Variants in COL4A3 observed in about 807,000 individuals in gnomAD.
The protein encoded by COL4A3 is collagen type IV alpha 3 chain, also known as collagen alpha-3(IV) chain.
A neutral mutation model predicts 217.4 loss-of-function variants in COL4A3; 135 were observed. That is an observed-to-expected ratio of 0.62 (90% CI 0.54 to 0.72). The LOEUF (loss-of-function observed/expected upper bound fraction) is 0.72, where lower values mean the gene tolerates loss of function less well. COL4A3 is among the 30% of genes least tolerant of loss of function. The pLI is 0.00. For synonymous variants in COL4A3, 690 were observed against 736.3 expected, an observed-to-expected ratio of 0.94 and a Z score of 1.02; for missense variants, 1,868 against 2,119.9, an observed-to-expected ratio of 0.88 and a Z score of 2.33.
chr2:227,225,396 A>C (rs954455022), intron 1 of COL4A3, among the ~76,000 whole-genome samples: 1 of 152,126 alleles, frequency 6.6e-6, no homozygotes, highest in African/African-American at 2.4e-5. Context: ...TTTAAGAGGT[A>C]ATGTTTTCTG....
intron 1 of COL4A3, among the ~76,000 whole-genome samples, chr2:227,194,813 G>A (rs1324725968): frequency 6.6e-6 from 1 of 152,026 alleles, no homozygotes; most frequent in African/African-American, 2.4e-5. Flanking sequence ...AAAAATACTA[G>A]CTCTTCTAAT....
chr2:227,249,212 G>GTGTGTATATATATATA (rs1199261361), intron 9 of COL4A3, among the ~76,000 whole-genome samples: 2 of 33,218 alleles, frequency 6.0e-5, no homozygotes, highest in African/African-American at 2.1e-4. Context: ...AAATTAGCTA[G>GTGTGTATATATATATA]TATATATATA....
At chr2:227,294,044 C>T (rs77012767) in intron 38 of COL4A3, 1 of 291,686 alleles carries the variant, frequency 3.4e-6, no homozygotes, top group Non-Finnish European at 6.6e-6. Context: ...TGTGCTGTGA[C>T]TCTTTTTCGA....
At chr2:227,251,996 G>C (rs558417665) in intron 11 of COL4A3, among the ~76,000 whole-genome samples, 9 of 145,776 alleles carry the variant, frequency 6.2e-5, no homozygotes, top group African/African-American at 2.3e-4. Flanking sequence ...TTGAACCTGG[G>C]AGTTGGAGTT....
At chr2:227,202,132 C>T (rs770939459) in intron 1 of COL4A3, among the ~76,000 whole-genome samples, 14 of 152,084 alleles carry the variant, frequency 9.2e-5, no homozygotes, top group Non-Finnish European at 1.6e-4. Flanking sequence ...CTATTAAGTA[C>T]GGGTTCATTA....
At chr2:227,239,015 C>T (rs2125887709) in intron 2 of COL4A3, among the ~76,000 whole-genome samples, 1 of 152,286 alleles carries the variant, frequency 6.6e-6, no homozygotes. Flanking sequence ...TGTGTGCACA[C>T]ACACAATGTA....
intron 37 of COL4A3, among the ~76,000 whole-genome samples, chr2:227,292,980 A>G (rs948133570): frequency 2.0e-5 from 3 of 152,218 alleles, no homozygotes; most frequent in Admixed American, 2.0e-4. Context: ...CACTTTAAAA[A>G]GTTTTAAGGG....
intron 1 of COL4A3, among the ~76,000 whole-genome samples, chr2:227,196,305 G>A (rs2066473709): frequency 6.6e-6 from 1 of 151,770 alleles, no homozygotes; most frequent in Non-Finnish European, 1.5e-5. Flanking sequence ...CCCTATATAG[G>A]TGTACTATGT....
intron 43 of COL4A3, among the ~76,000 whole-genome samples, chr2:227,302,705 A>AAAAAC (rs1491012971): frequency 7.0e-6 from 1 of 141,960 alleles, no homozygotes; most frequent in African/African-American, 2.6e-5. Context: ...AAAAAAAAAA[A>AAAAAC]ATCATTCTGG....
At position 227,277,520 on chromosome 2, in the gene COL4A3, G is replaced by A. The variant is rs756268290; in HGVS notation, c.2092G>A (p.Gly698Arg). ...PGPDGEPGIP[G>R]IGFPGPPGPK... is the part of the protein sequence containing the mutation. Reference sequence around the variant, plus strand: ...GCCTGATGGTGAACCAGGAATTCCAGGAATTGGATTTCCTGGGCCTCCTGG... The same window carrying A: ...GCCTGATGGTGAACCAGGAATTCCAAGAATTGGATTTCCTGGGCCTCCTGG... Residue 698 changes from glycine (G) to arginine (R), a missense_variant, in exon 28 of 52, where the codon GGA (glycine) becomes AGA (arginine). Gly to Arg is a moderately radical substitution (Grantham distance 125). Around this residue, in one of 2 missense-constraint regions of COL4A3, gnomAD observed 1,503 missense variants for 1,786.1 expected, o/e 0.84. Transcript: ENST00000396578. 15 of 1,612,206 alleles carry A rather than the reference G, an allele frequency of 9.3e-6. No individual in the cohort carries two copies. The African/African-American group carries it at 1.9e-4, about 20-fold the overall frequency.
chr2:227,302,981 T>C, intron 43 of COL4A3, 57 bp from the exon 44 acceptor site: 1 of 1,154,580 alleles, frequency 8.7e-7, no homozygotes, highest in Non-Finnish European at 1.3e-6. Context: ...AAAACTGCTG[T>C]GAATTGAGTG....
At chr2:227,270,671 A>G in intron 24 of COL4A3, 99 bp from the exon 25 acceptor site, 1 of 1,196,088 alleles carries the variant, frequency 8.4e-7, no homozygotes, top group Non-Finnish European at 1.2e-6. Flanking sequence ...GAAAAAATTC[A>G]TGTTAAAATT....
intron 23 of COL4A3, 90 bp from the exon 24 acceptor site, chr2:227,269,820 A>T: frequency 9.2e-7 from 1 of 1,089,126 alleles, no homozygotes; most frequent in Non-Finnish European, 1.4e-6. Context: ...CCCACAAGGA[A>T]ACACTCTATT....
At position 227,312,036 on chromosome 2, in the gene COL4A3, T is replaced by C. The variant is rs2073760954; in HGVS notation, c.*166T>C. On this transcript the variant is annotated 3_prime_UTR_variant, in exon 52 of 52. Transcript: ENST00000396578. ...CACAAAACAAAGCAATTCTTTCAAG[T>C]CAGTTCTGTGATCTGGGTCTCTAAT... 7.7e-7 allele frequency: 1 copy of C among 1,295,750 alleles called. No homozygotes were observed. The allele number at this position is 1,295,750 out of a possible 1,614,324, so 80.3% of individuals were successfully genotyped here. A position where few individuals can be genotyped will look rare whatever the true frequency, so the allele number is the denominator to read the frequency against.
At chr2:227,280,842 C>A in intron 30 of COL4A3, 51 bp from the exon 31 acceptor site, 2 of 1,345,220 alleles carry the variant, frequency 1.5e-6, no homozygotes, top group Non-Finnish European at 2.1e-6. Context: ...ACAGCAATAC[C>A]AAGACCTTAA....
intron 17 of COL4A3, 63 bp downstream of exon 17, chr2:227,256,459 C>A: frequency 2.3e-6 from 3 of 1,329,190 alleles, no homozygotes; most frequent in Non-Finnish European, 3.3e-6. Context: ...TTACTTTTAC[C>A]TCCAACCCTG....
At chr2:227,216,520 T>C (rs2067534707) in intron 1 of COL4A3, among the ~76,000 whole-genome samples, 1 of 151,964 alleles carries the variant, frequency 6.6e-6, no homozygotes, top group Non-Finnish European at 1.5e-5. Context: ...CAATTAGAAA[T>C]ACAGAAGAGG....
chr2:227,277,538 C>T lies in COL4A3; in HGVS notation c.2110C>T (p.Pro704Ser), dbSNP rs376083145. Residue 704 changes from proline to serine, a missense_variant, in exon 28 of 52, where the codon CCT (proline) becomes TCT (serine). By Grantham distance (74) the Pro-to-Ser change is moderately conservative. Around this residue, in one of 2 missense-constraint regions of COL4A3, gnomAD observed 1,503 missense variants for 1,786.1 expected, o/e 0.84. Transcript: ENST00000396578. ...PGIPGIGFPGPPGPKGDQGFP... is the reference protein window; with the variant it reads ...PGIPGIGFPGSPGPKGDQGFP... Reference sequence around the variant, plus strand: ...AATTCCAGGAATTGGATTTCCTGGGCCTCCTGGACCTAAGGGTAAATTTAA... The same window carrying T: ...AATTCCAGGAATTGGATTTCCTGGGTCTCCTGGACCTAAGGGTAAATTTAA... 24 of 1,607,416 alleles carry T rather than the reference C, an allele frequency of 1.5e-5. No homozygotes were observed. Among genetic ancestry groups the T allele is most frequent in the Non-Finnish European group, 2.0e-5 (23 of 1,176,074 alleles).
rs1364431969 is a variant in COL4A3, at chr2:227,312,911, C to T, written c.*1041C>T. On this transcript the variant is annotated 3_prime_UTR_variant, in exon 52 of 52. Transcript: ENST00000396578. ...ACAGATTTATTCCTTTGTTACTTCT[C>T]TAATTCTTCCTTTGTAAAAAAAAAA... is the stretch of plus-strand genomic sequence containing the variant. 1 of 137,158 alleles carries T rather than the reference C, an allele frequency of 7.3e-6. No homozygotes were observed. Among genetic ancestry groups the T allele is most frequent in the Non-Finnish European group, 1.6e-5 (1 of 62,948 alleles). The allele number at this position is 137,158 out of a possible 1,614,324, so 8.5% of individuals were successfully genotyped here.
Sources: allele counts gnomAD v4.1 joint callset (sites outside exome capture counted in the v4.1 genomes callset), GRCh38; gene constraint gnomAD v4.1.1; regional missense constraint gnomAD v4.1.1; transcripts MANE v1.5; gene names NCBI Gene and HGNC (gene_info 2026-07-23, HGNC 2026-07-21).